The following COQ7 variants were observed in gnomAD, a reference collection of about 807,000 sequenced individuals.
The protein encoded by COQ7 is coenzyme Q7, hydroxylase, also known as NADPH-dependent 3-demethoxyubiquinone 3-hydroxylase, mitochondrial.
COQ7 carries 21 observed loss-of-function variants against 25.0 expected under a neutral mutation model. The observed-to-expected ratio is 0.84, with a 90% CI of 0.60 to 1.21. The LOEUF (loss-of-function observed/expected upper bound fraction) is 1.21, where lower values mean the gene tolerates loss of function less well. COQ7 is among the 50% of genes most tolerant of loss of function. The pLI is 0.00. For synonymous variants in COQ7, 125 were observed against 112.4 expected, an observed-to-expected ratio of 1.11 and a Z score of -0.71; for missense variants, 311 against 296.2, an observed-to-expected ratio of 1.05 and a Z score of -0.37.
Position 19,075,787 on chromosome 16 carries a change from T to C in COQ7, c.434T>C (p.Ile145Thr), listed in dbSNP as rs1328733371. ...MACTVAVEESIAHHYNNQIRT... is the reference protein window; with the variant it reads ...MACTVAVEESTAHHYNNQIRT... ...TGCACCGTGGCGGTGGAAGAGAGCATAGCACATCACTACAACAACCAGATC... is the reference window on the plus strand; with the variant it reads ...TGCACCGTGGCGGTGGAAGAGAGCACAGCACATCACTACAACAACCAGATC... The change falls in exon 4 of 6, where the codon ATA (isoleucine) becomes ACA (threonine). Residue 145 changes from isoleucine to threonine, a missense_variant. Transcript: ENST00000321998. 6.2e-7 allele frequency: 1 copy of C among 1,613,368 alleles called. No homozygotes were observed. The highest frequency in any genetic ancestry group is 8.5e-7 in the Non-Finnish European group (1 of 1,179,656).
In COQ7 at chr16:19,079,484, T is replaced by C. The variant is rs1206996704; in HGVS notation, c.*1326T>C. On this transcript the variant is annotated 3_prime_UTR_variant, in exon 6 of 6. Coordinates refer to ENST00000321998, the MANE Select transcript of COQ7 (RefSeq NM_016138.5). ...AATTTGCAAATTTTTAAGTAATTTA[T>C]GAAAAACCTAGATCAGTGGATCTCC... 1 of 152,134 alleles carries C rather than the reference T, an allele frequency of 6.6e-6. No homozygotes were observed. The highest frequency in any genetic ancestry group is 2.4e-5 in the African/African-American group (1 of 41,426). 9.4% of individuals were successfully genotyped at this position (152,134 alleles called of 1,614,324 possible).
At chr16:19,068,236 TTGCATGCAC>T (rs1962342804) in intron 1 of COQ7, 1 of 1,006,800 alleles carries the variant, frequency 9.9e-7, no homozygotes, top group African/African-American at 1.7e-5. Flanking sequence ...TTTAGGTGAT[TTGCATGCAC>T]TGTAAACTGT....
Position 19,071,687 on chromosome 16 carries a change from G to A in COQ7, c.74-241G>A, listed in dbSNP as rs1055322860. 1.8e-5 allele frequency: 9 copies of A among 513,544 alleles called. No individual in the cohort carries two copies. The South Asian group carries it at 1.9e-4, about 11-fold the overall frequency. 31.8% of individuals were successfully genotyped at this position (513,544 alleles called of 1,614,324 possible). ...AAGCGGTTGCCATGTTAACTGCCTGGTAAGAAGGTAGGCTCAGCATTTCCA... is the reference window on the plus strand; with the variant it reads ...AAGCGGTTGCCATGTTAACTGCCTGATAAGAAGGTAGGCTCAGCATTTCCA... On this transcript the variant is annotated intron_variant, in intron 1 of 5. Transcript: ENST00000321998.
At position 19,075,703 on chromosome 16, in the gene COQ7, T is replaced by C; in HGVS notation, c.368-18T>C. The C allele has an allele frequency of 6.5e-7, 1 of 1,545,400 alleles. No individual in the cohort carries two copies. The highest frequency in any genetic ancestry group is 8.7e-7 in the Non-Finnish European group (1 of 1,150,450). ...ATATCTGTCTCTTACTTTTCTGGTC[T>C]GGGTTTAACAATCCCAGGGGCGGGG... On this transcript the variant is annotated intron_variant, in intron 3 of 5. Transcript: ENST00000321998.
At chr16:19,073,566 T>TG (rs1270114892) in intron 2 of COQ7, among the ~76,000 whole-genome samples, 1 of 152,208 alleles carries the variant, frequency 6.6e-6, no homozygotes, top group Non-Finnish European at 1.5e-5. Flanking sequence ...CAACAGCCAA[T>TG]GTTCTGCCTT....
chr16:19,077,975 C>G (rs1345641984), intron 5 of COQ7, 106 bp from the exon 6 acceptor site: 2 of 734,838 alleles, frequency 2.7e-6, no homozygotes, highest in Non-Finnish European at 2.1e-6. Context: ...TTCCTTAGAT[C>G]TATTTCTTAT....
chr16:19,073,605 A>G lies in COQ7; in HGVS notation c.253-316A>G, dbSNP rs117507207. Among the ~76,000 whole-genome samples, 9 of 152,296 alleles carry G rather than the reference A, an allele frequency of 5.9e-5. No homozygotes were observed. In the East Asian group the frequency reaches 1.7e-3, roughly 29 times the overall value. ...GATTTTGAAATGGGTTAAACATGTCATTTCTTATGTGTGTAGACCCTTGTC... is the reference window on the plus strand; with the variant it reads ...GATTTTGAAATGGGTTAAACATGTCGTTTCTTATGTGTGTAGACCCTTGTC... On this transcript the variant is annotated intron_variant, in intron 2 of 5. Coordinates refer to ENST00000321998, the MANE Select transcript of COQ7 (RefSeq NM_016138.5).
chr16:19,076,041 C>T (rs113293351), intron 4 of COQ7, among the ~76,000 whole-genome samples, 181 bp downstream of exon 4: 1 of 152,236 alleles, frequency 6.6e-6, no homozygotes, highest in African/African-American at 2.4e-5. Context: ...CTGCCCTGGC[C>T]ATACAGCACA....
chr16:19,068,045 C>T (rs1399379859), intron 1 of COQ7: 3 of 1,237,036 alleles, frequency 2.4e-6, no homozygotes, highest in Non-Finnish European at 3.0e-6. Flanking sequence ...CAGTTGGCGA[C>T]ACTGAAAATT....
At chr16:19,068,285 C>G (rs35842556) in intron 1 of COQ7, 1 of 990,390 alleles carries the variant, frequency 1.0e-6, no homozygotes, top group South Asian at 4.4e-5. Flanking sequence ...GAAGGAGCAT[C>G]GAATTTAGAG....
At chr16:19,077,439 G>A in intron 5 of COQ7, 65 bp downstream of exon 5, 1 of 1,339,082 alleles carries the variant, frequency 7.5e-7, no homozygotes. Flanking sequence ...AGGGGCAGGA[G>A]GTTTCTGTTG....
rs759632245 is a variant in COQ7, at chr16:19,075,870, C to T, written c.507+10C>T. On this transcript the variant is annotated intron_variant, in intron 4 of 5. Coordinates refer to ENST00000321998, the MANE Select transcript of COQ7 (RefSeq NM_016138.5). Reference sequence around the variant, plus strand: ...CGAGGAACTTCTTCAGGTATTTATCCGTGCTCTAGAACGGGGCTGCTCAAG... The same window carrying T: ...CGAGGAACTTCTTCAGGTATTTATCTGTGCTCTAGAACGGGGCTGCTCAAG... 2.0e-5 allele frequency: 33 copies of T among 1,614,076 alleles called. No individual in the cohort carries two copies. The East Asian group carries it at 2.5e-4, about 12-fold the overall frequency.
At chr16:19,074,987 G>T (rs1567541589) in intron 3 of COQ7, among the ~76,000 whole-genome samples, 1 of 152,112 alleles carries the variant, frequency 6.6e-6, no homozygotes, top group Non-Finnish European at 1.5e-5. Context: ...AAACGGAGAA[G>T]AATAAATGGT....
intron 1 of COQ7, 141 bp downstream of exon 1, chr16:19,067,878 G>C (rs1962310733): frequency 6.7e-7 from 1 of 1,495,870 alleles, no homozygotes; most frequent in Admixed American, 2.3e-5. Flanking sequence ...CGTGACTTCG[G>C]CCTCCGGGGC....
At chr16:19,074,353 C>T (rs547890134) in intron 3 of COQ7, among the ~76,000 whole-genome samples, 11 of 151,762 alleles carry the variant, frequency 7.2e-5, no homozygotes, top group South Asian at 6.3e-4. Context: ...GTGAAACCCC[C>T]GACTCTATTA....
chr16:19,077,168 A>G (rs1049614767), intron 4 of COQ7, 138 bp from the exon 5 acceptor site: 4 of 683,414 alleles, frequency 5.9e-6, no homozygotes, highest in African/African-American at 5.4e-5. Context: ...GCAACAAAGT[A>G]TTTACTCTCT....
intron 1 of COQ7, among the ~76,000 whole-genome samples, chr16:19,069,567 C>T (rs1047684998): frequency 4.6e-5 from 7 of 151,822 alleles, no homozygotes; most frequent in East Asian, 1.9e-4. Flanking sequence ...TGCACCACCA[C>T]GCCTGGCTAA....
At chr16:19,068,718 G>T in intron 1 of COQ7, 1 of 253,242 alleles carries the variant, frequency 3.9e-6, no homozygotes, top group Non-Finnish European at 8.2e-6. Flanking sequence ...AAATTACCGT[G>T]TACCACTTTC....
Position 19,077,590 on chromosome 16 carries a change from C to CTTTTTTTTTTTTTTTTTTTT in COQ7, c.576+230_576+231insTTTTTTTTTTTTTTTTTTTT, listed in dbSNP as rs60523088. On this transcript the variant is annotated intron_variant, in intron 5 of 5. Transcript: ENST00000321998. ...TATGCCTTCTCCTTTTCCCCAGAAG[C>CTTTTTTTTTTTTTTTTTTTT]TTTTTTTTTTTTTTCCCAGACACAG... 5.4e-3 allele frequency among the ~76,000 whole-genome samples: 401 copies of CTTTTTTTTTTTTTTTTTTTT among 74,388 alleles called. 125 individuals are homozygous for CTTTTTTTTTTTTTTTTTTTT. Among genetic ancestry groups the CTTTTTTTTTTTTTTTTTTTT allele is most frequent in the South Asian group, 8.9e-3 (16 of 1,802 alleles). 48.8% of individuals were successfully genotyped at this position (74,388 alleles called of 152,430 possible).
Sources: gnomAD v4.1 joint callset for allele counts (sites outside exome capture counted in the v4.1 genomes callset) on GRCh38, gnomAD v4.1.1 for gene constraint, MANE v1.5 for transcripts, NCBI Gene and HGNC (gene_info 2026-07-23, HGNC 2026-07-21) for gene names.